The following ARHGEF10 variants were observed in gnomAD, a reference collection of about 807,000 sequenced individuals.
The protein encoded by ARHGEF10 is Rho guanine nucleotide exchange factor 10, also known as Rho guanine nucleotide exchange factor (GEF) 10.
In ARHGEF10, 140 loss-of-function variants were observed where a neutral mutation model predicts 147.4. The ratio of observed to expected loss-of-function variants is 0.95; its 90% CI spans 0.83 to 1.09. ARHGEF10 has a LOEUF of 1.09. ARHGEF10 is among the 50% of genes least tolerant of loss of function. The pLI, the probability that ARHGEF10 is intolerant of heterozygous loss-of-function variation, is 0.00. For synonymous variants in ARHGEF10, 902 were observed against 695.8 expected (o/e 1.30, Z -4.67); for missense variants, 2,222 against 1,752.7 (o/e 1.27, Z -4.78).
chr8:1,918,931 G>C, intron 18 of ARHGEF10, among the ~76,000 whole-genome samples: 1 of 151,518 alleles, frequency 6.6e-6, no homozygotes. Context: ...GAGTGATGGA[G>C]TTGTTCTGTC....
intron 26 of ARHGEF10, 114 bp downstream of exon 26, chr8:1,934,056 C>G: frequency 7.0e-7 from 1 of 1,420,158 alleles, no homozygotes; most frequent in Non-Finnish European, 9.8e-7. Flanking sequence ...TCCTTCTAGC[C>G]GGGCACAGTG....
At chr8:1,955,709 G>A (rs1815510846) in intron 28 of ARHGEF10, among the ~76,000 whole-genome samples, 1 of 152,268 alleles carries the variant, frequency 6.6e-6, no homozygotes, top group Admixed American at 6.5e-5. Context: ...CACTCACTGT[G>A]TTTCTTTGGA....
intron 5 of ARHGEF10, among the ~76,000 whole-genome samples, chr8:1,865,102 C>G (rs1473546448): frequency 1.3e-5 from 2 of 152,182 alleles, no homozygotes; most frequent in African/African-American, 4.8e-5. Flanking sequence ...AATAGTGTTT[C>G]TGTTTGATTC....
chr8:1,950,600 T>G (rs996721011), intron 27 of ARHGEF10, among the ~76,000 whole-genome samples: 2 of 152,008 alleles, frequency 1.3e-5, no homozygotes, highest in African/African-American at 4.8e-5. Flanking sequence ...TGGTGCGATC[T>G]TGGCTCACTG....
chr8:1,941,636 C>T (rs1248715761), intron 26 of ARHGEF10, among the ~76,000 whole-genome samples: 1 of 151,694 alleles, frequency 6.6e-6, no homozygotes, highest in South Asian at 2.1e-4. Context: ...TCTGGAAATG[C>T]AGGGGATCCA....
chr8:1,903,420 C>G lies in ARHGEF10; in HGVS notation c.1790C>G (p.Ala597Gly). ...CAACGCTGTGAAGTGAAGCAAATAG[C>G]CAAAGCCATAAACGAAAGATACCTG... ...ADQRCEVKQI[A>G]KAINERYLNK... The change falls in exon 16 of 29, where the codon GCC becomes GGC. Residue 597 changes from alanine (A) to glycine (G), a missense_variant. Coordinates refer to ENST00000349830, the MANE Select transcript of ARHGEF10 (RefSeq NM_014629.4). 1.2e-6 allele frequency: 2 copies of G among 1,614,166 alleles called. No individual in the cohort carries two copies. The highest frequency in any genetic ancestry group is 1.7e-6 in the Non-Finnish European group (2 of 1,180,038).
intron 11 of ARHGEF10, among the ~76,000 whole-genome samples, chr8:1,889,927 G>A (rs374740751): frequency 1.7e-4 from 24 of 138,006 alleles, no homozygotes; most frequent in African/African-American, 6.8e-4. Context: ...GGCAGTGAGT[G>A]GGGCGAGGGT....
rs1443542945 is a variant in ARHGEF10 at position 1,824,002 on chromosome 8, G to C, written c.-159G>C. On this transcript the variant is annotated 5_prime_UTR_variant, in exon 1 of 29. Coordinates refer to ENST00000349830, the MANE Select transcript of ARHGEF10 (RefSeq NM_014629.4). ...GGGTCGCGGGGGACGCGGGGGACGCGGGGGACGGCGGGGAACGGCGGGGGA... is the reference window on the plus strand; with the variant it reads ...GGGTCGCGGGGGACGCGGGGGACGCCGGGGACGGCGGGGAACGGCGGGGGA... The C allele has an allele frequency of 2.2e-4, 30 of 136,568 alleles. No individual in the cohort carries two copies. The highest frequency in any genetic ancestry group is 7.4e-4 in the African/African-American group (27 of 36,458). The allele number at this position is 136,568 out of a possible 1,614,324, so 8.5% of individuals were successfully genotyped here.
chr8:1,894,438 G>A lies in ARHGEF10; in HGVS notation c.1306G>A (p.Glu436Lys), dbSNP rs1809805056. The change falls in exon 13 of 29, where the codon GAG becomes AAG. Residue 436 changes from glutamate (E) to lysine (K), a missense_variant. Glu to Lys is a moderately conservative substitution (Grantham distance 56, BLOSUM62 1). Coordinates refer to ENST00000349830, the MANE Select transcript of ARHGEF10 (RefSeq NM_014629.4). ...LSEMEPKVLS[E>K]RKLKTVFYRV... ...TGAGATGGAGCCAAAGGTTCTGAGT[G>A]AGAGGAAGCTGAAGACGGTGTTCTA... The A allele has an allele frequency of 6.2e-7, 1 of 1,614,126 alleles. No individual in the cohort carries two copies. The highest frequency in any genetic ancestry group is 1.3e-5 in the African/African-American group (1 of 74,952).
intron 18 of ARHGEF10, among the ~76,000 whole-genome samples, chr8:1,911,213 G>T (rs1811327691): frequency 6.6e-6 from 1 of 152,152 alleles, no homozygotes; most frequent in Non-Finnish European, 1.5e-5. Flanking sequence ...GAGGTCTTTG[G>T]TGTTATATCT....
At chr8:1,930,186 G>T (rs1428880214) in intron 25 of ARHGEF10, among the ~76,000 whole-genome samples, 1 of 152,058 alleles carries the variant, frequency 6.6e-6, no homozygotes, top group Non-Finnish European at 1.5e-5. Context: ...AGCCAGTCTC[G>T]GTGCTGCCAT....
rs201123598 is a variant in ARHGEF10, at chr8:1,905,598, A to G, written c.1849A>G (p.Ile617Val). Residue 617 changes from isoleucine (I) to valine (V), a missense_variant, in exon 17 of 29, where the codon ATT (isoleucine) becomes GTT (valine). Physicochemically the swap from Ile to Val is conservative, Grantham distance 29 (BLOSUM62 3). Coordinates refer to ENST00000349830, the MANE Select transcript of ARHGEF10 (RefSeq NM_014629.4). ...TCTCAGCAGTGGAAGCCGATACCTC[A>G]TTCGATCAGATGATATGATAGAAAC... is the stretch of plus-strand genomic sequence containing the variant. ...KLLSSGSRYLIRSDDMIETVY... is the reference protein window; with the variant it reads ...KLLSSGSRYLVRSDDMIETVY... 1.2e-6 allele frequency: 2 copies of G among 1,614,204 alleles called. No homozygotes were observed. The highest frequency in any genetic ancestry group is 1.7e-5 in the Admixed American group (1 of 60,026).
At position 1,839,495 on chromosome 8, in the gene ARHGEF10, T is replaced by C. The variant is rs1344525916; in HGVS notation, c.-47-3858T>C. Among the ~76,000 whole-genome samples the C allele has an allele frequency of 5.5e-4, 77 of 140,762 alleles. 3 individuals are homozygous for C. The highest frequency in any genetic ancestry group is 2.0e-3 in the African/African-American group (71 of 36,172). The allele number at this position is 140,762 out of a possible 152,430, so 92.3% of individuals were successfully genotyped here. A position where few individuals can be genotyped will look rare whatever the true frequency, so the allele number is the denominator to read the frequency against. On this transcript the variant is annotated intron_variant, in intron 1 of 28. Coordinates refer to ENST00000349830, the MANE Select transcript of ARHGEF10 (RefSeq NM_014629.4). ...ACTGTCTGGTGTGGAAACTGTCTGG[T>C]GTGGGGACTGTCCGGTGTGGAAGCT...
chr8:1,885,853 G>T, intron 11 of ARHGEF10, 146 bp downstream of exon 11: 1 of 720,848 alleles, frequency 1.4e-6, no homozygotes, highest in Non-Finnish European at 2.5e-6. Context: ...TCCTGGCCCA[G>T]CACTTAGAGG....
Position 1,851,035 on chromosome 8 carries a change from G to C in ARHGEF10, c.38-6925G>C, listed in dbSNP as rs541424921. Among the ~76,000 whole-genome samples the C allele has an allele frequency of 2.6e-5, 4 of 152,188 alleles. No individual in the cohort carries two copies. The South Asian group carries it at 6.2e-4, about 24-fold the overall frequency. On this transcript the variant is annotated intron_variant, in intron 2 of 28. Coordinates refer to ENST00000349830, the MANE Select transcript of ARHGEF10 (RefSeq NM_014629.4). The stretch of plus-strand genomic sequence containing the variant: ...AAGCTCAGGGTTGCTAGGGGTTTGC[G>C]GGGGGGAGGGGTGACAGGCGGAGCA...
chr8:1,933,047 G>T (rs1813278766), intron 25 of ARHGEF10, among the ~76,000 whole-genome samples: 1 of 152,136 alleles, frequency 6.6e-6, no homozygotes, highest in Non-Finnish European at 1.5e-5. Flanking sequence ...GGTATTCAAG[G>T]TAGCAACTCA....
intron 4 of ARHGEF10, among the ~76,000 whole-genome samples, chr8:1,860,918 C>T (rs1156620157): frequency 6.6e-6 from 1 of 152,140 alleles, no homozygotes; most frequent in Non-Finnish European, 1.5e-5. Context: ...TCAGGGGCTC[C>T]CTGTTTCCCA....
intron 7 of ARHGEF10, among the ~76,000 whole-genome samples, chr8:1,874,566 T>C (rs1277491374): frequency 6.6e-6 from 1 of 152,218 alleles, no homozygotes; most frequent in African/African-American, 2.4e-5. Flanking sequence ...GGAGTTTCCT[T>C]ATAACCTCTG....
chr8:1,832,553 C>CAG (rs1245426770), intron 1 of ARHGEF10, among the ~76,000 whole-genome samples: 1 of 113,226 alleles, frequency 8.8e-6, no homozygotes, highest in Non-Finnish European at 1.8e-5. Context: ...GAGGCAGAGA[C>CAG]AGAGAGAGAC....
Sources: gnomAD v4.1 joint callset for allele counts (sites outside exome capture counted in the v4.1 genomes callset) on GRCh38, gnomAD v4.1.1 for gene constraint, MANE v1.5 for transcripts, NCBI Gene and HGNC (gene_info 2026-07-23, HGNC 2026-07-21) for gene names.